AHR: variants seen among roughly 807,000 people sequenced by gnomAD.
AHR encodes aryl hydrocarbon receptor, also known as AH-receptor.
In AHR, 40 loss-of-function variants were observed where a neutral mutation model predicts 86.8. The observed-to-expected ratio is 0.46, with a 90% CI of 0.36 to 0.60. AHR has a LOEUF of 0.60. Ranked by LOEUF, AHR falls within the 20% of genes least tolerant of loss-of-function variation. The probability of loss-of-function intolerance (pLI) is 0.00; values close to 1 mark genes in which losing one functional copy is unlikely to be tolerated. For synonymous variants in AHR, 398 were observed against 354.9 expected (o/e 1.12, Z -1.37); for missense variants, 1,001 against 1,011.6 (o/e 0.99, Z 0.14).
In AHR at chr7:17,310,109, A is replaced by G. The variant is rs377294595; in HGVS notation, c.239A>G (p.Lys80Arg). 2 of 1,613,582 alleles carry G rather than the reference A, an allele frequency of 1.2e-6. No homozygotes were observed. The highest frequency in any genetic ancestry group is 1.3e-5 in the African/African-American group (1 of 74,916). ...LRLSVSYLRA[K>R]SFFDVALKSS... Reference sequence around the variant, plus strand: ...CTCAGCGTCAGTTACCTGAGAGCCAAGAGCTTCTTTGATGGTAAGACAGAA... The same window carrying G: ...CTCAGCGTCAGTTACCTGAGAGCCAGGAGCTTCTTTGATGGTAAGACAGAA... Residue 80 changes from lysine (K) to arginine (R), a missense_variant, in exon 2 of 11, where the codon AAG (lysine) becomes AGG (arginine). Transcript: ENST00000242057.
At chr7:17,326,381 A>G (rs543864443) in intron 3 of AHR, among the ~76,000 whole-genome samples, 35 of 152,302 alleles carry the variant, frequency 2.3e-4, no homozygotes, top group African/African-American at 6.7e-4. Flanking sequence ...CGACTGGACT[A>G]TATGTGAGCA....
chr7:17,310,131 A>G lies in AHR; in HGVS notation c.253+8A>G. ...CCAAGAGCTTCTTTGATGGTAAGACAGAAGGGTTTAATTTGTCTACAATAA... is the reference window on the plus strand; with the variant it reads ...CCAAGAGCTTCTTTGATGGTAAGACGGAAGGGTTTAATTTGTCTACAATAA... On this transcript the variant is annotated splice_region_variant and intron_variant, in intron 2 of 10. Transcript: ENST00000242057. The G allele has an allele frequency of 6.2e-7, 1 of 1,610,470 alleles. No individual in the cohort carries two copies. The highest frequency in any genetic ancestry group is 1.3e-5 in the African/African-American group (1 of 74,922).
chr7:17,312,464 A>C (rs1038409825), intron 2 of AHR, among the ~76,000 whole-genome samples: 1 of 152,222 alleles, frequency 6.6e-6, no homozygotes, highest in African/African-American at 2.4e-5. Context: ...ATATATAAAC[A>C]GATATATTTC....
At chr7:17,317,957 A>G (rs1346837440) in intron 2 of AHR, among the ~76,000 whole-genome samples, 1 of 151,894 alleles carries the variant, frequency 6.6e-6, no homozygotes, top group Non-Finnish European at 1.5e-5. Context: ...CTGAGTGCGT[A>G]CCAATGAGTA....
chr7:17,336,037 A>T (rs1021420784), intron 9 of AHR: 5 of 334,456 alleles, frequency 1.5e-5, no homozygotes, highest in African/African-American at 1.1e-4. Flanking sequence ...TATGAAAGAC[A>T]CATGAAAAGC....
In AHR at chr7:17,342,990, A is replaced by G; in HGVS notation, c.2473A>G (p.Thr825Ala). The G allele has an allele frequency of 6.2e-7, 1 of 1,613,662 alleles. No individual in the cohort carries two copies. Among genetic ancestry groups the G allele is most frequent in the Non-Finnish European group, 8.5e-7 (1 of 1,179,598 alleles). The change falls in exon 11 of 11, where the codon ACA (threonine) becomes GCA (alanine). Residue 825 changes from threonine to alanine, a missense_variant. Thr to Ala is a moderately conservative substitution (Grantham distance 58). Around this residue, in one of 2 missense-constraint regions of AHR, gnomAD observed 607 missense variants for 543.1 expected, o/e 1.12. Transcript: ENST00000242057. ...TAACATAAATAACACTCAGACTACC[A>G]CACATCTTCAGCCACTTCATCATCC... ...LNNINNTQTT[T>A]HLQPLHHPSE... is the part of the protein sequence containing the mutation.
chr7:17,329,915 G>C, intron 4 of AHR, 37 bp from the exon 5 acceptor site: 1 of 1,571,712 alleles, frequency 6.4e-7, no homozygotes, highest in Non-Finnish European at 8.6e-7. Context: ...TTTTTAATCA[G>C]TCCTTTTGTT....
Position 17,322,506 on chromosome 7 carries a change from T to C in AHR, c.259T>C (p.Leu87=). Residue 87 remains leucine, a synonymous_variant, in exon 3 of 11, where the codon TTA becomes CTA. Coordinates refer to ENST00000242057, the MANE Select transcript of AHR (RefSeq NM_001621.5). The part of the protein sequence containing the change: ...LRAKSFFDVA[L]KSSPTERNGG... ...TTTTTCCTTTTTTTCCATAGTTGCATTAAAATCCTCCCCTACTGAAAGAAA... is the reference window on the plus strand; with the variant it reads ...TTTTTCCTTTTTTTCCATAGTTGCACTAAAATCCTCCCCTACTGAAAGAAA... 6.2e-7 allele frequency: 1 copy of C among 1,607,082 alleles called. No homozygotes were observed. The highest frequency in any genetic ancestry group is 8.5e-7 in the Non-Finnish European group (1 of 1,174,364).
chr7:17,334,146 G>T lies in AHR; in HGVS notation c.908+32G>T, dbSNP rs376892230. The T allele has an allele frequency of 4.5e-6, 7 of 1,554,134 alleles. No individual in the cohort carries two copies. In the African/African-American group the frequency reaches 8.1e-5, roughly 18 times the overall value. On this transcript the variant is annotated intron_variant, in intron 7 of 10. Transcript: ENST00000242057. ...GAGACTTTTTCACTTTTATTTTATTGGATGTACATTATGTTTCAGTAAGTC... is the reference window on the plus strand; with the variant it reads ...GAGACTTTTTCACTTTTATTTTATTTGATGTACATTATGTTTCAGTAAGTC...
chr7:17,324,098 G>A (rs1782203242), intron 3 of AHR, among the ~76,000 whole-genome samples: 1 of 151,998 alleles, frequency 6.6e-6, no homozygotes, highest in Non-Finnish European at 1.5e-5. Flanking sequence ...TAATATGAAT[G>A]CAAAGCTGTA....
At position 17,340,005 on chromosome 7, in the gene AHR, C is replaced by T; in HGVS notation, c.2180C>T (p.Ser727Phe). The part of the protein sequence containing the change: ...LDYPMGSFEP[S>F]PYPTTSSLED... ...TACCCTATGGGGAGTTTTGAACCAT[C>T]CCCATACCCCACTACTTCTAGTTTA... Residue 727 changes from serine (S) to phenylalanine (F), a missense_variant, in exon 10 of 11, where the codon TCC becomes TTC. By Grantham distance (155) the Ser-to-Phe change is radical (BLOSUM62 -2). Coordinates refer to ENST00000242057, the MANE Select transcript of AHR (RefSeq NM_001621.5). The T allele has an allele frequency of 1.2e-6, 2 of 1,614,184 alleles. No individual in the cohort carries two copies. The highest frequency in any genetic ancestry group is 1.7e-6 in the Non-Finnish European group (2 of 1,180,028).
chr7:17,316,035 G>A (rs1319052629), intron 2 of AHR, among the ~76,000 whole-genome samples: 1 of 152,138 alleles, frequency 6.6e-6, no homozygotes, highest in Admixed American at 6.6e-5. Context: ...GATGAGCAGG[G>A]GTAGTAAAAA....
chr7:17,304,341 G>T (rs1371684021), intron 1 of AHR, among the ~76,000 whole-genome samples: 1 of 151,918 alleles, frequency 6.6e-6, no homozygotes, highest in East Asian at 1.9e-4. Context: ...TATTATTTTT[G>T]ACTGTATATT....
intron 3 of AHR, among the ~76,000 whole-genome samples, chr7:17,326,856 T>C (rs1007223881): frequency 2.0e-5 from 3 of 152,072 alleles, no homozygotes; most frequent in Non-Finnish European, 2.9e-5. Context: ...TGTGATCACA[T>C]AGTAAAGAAT....
intron 1 of AHR, among the ~76,000 whole-genome samples, chr7:17,305,425 G>A (rs1164378525): frequency 6.6e-6 from 1 of 152,268 alleles, no homozygotes; most frequent in South Asian, 2.1e-4. Context: ...AGGTAGTATG[G>A]TAGGGGGATT....
chr7:17,340,742 C>T (rs1170707393), intron 10 of AHR, among the ~76,000 whole-genome samples: 1 of 151,832 alleles, frequency 6.6e-6, no homozygotes, highest in East Asian at 1.9e-4. Context: ...TAATTATATC[C>T]CTGGAATTCA....
At chr7:17,318,071 A>C (rs1782134000) in intron 2 of AHR, among the ~76,000 whole-genome samples, 1 of 152,124 alleles carries the variant, frequency 6.6e-6, no homozygotes, top group African/African-American at 2.4e-5. Flanking sequence ...GGGGATGGTA[A>C]ATATTATGAA....
intron 4 of AHR, among the ~76,000 whole-genome samples, chr7:17,328,845 A>AG (rs1229603657): frequency 9.9e-5 from 15 of 151,998 alleles, no homozygotes; most frequent in African/African-American, 3.6e-4. Context: ...CTAGAAGATT[A>AG]GGTTCCTAGG....
Position 17,342,937 on chromosome 7 carries a change from T to C in AHR, c.2420T>C (p.Leu807Ser). ...AFLNKFQNGV[L>S]NETYPAELNN... The stretch of plus-strand genomic sequence containing the variant: ...TGTTTTCAGTTTCAGAATGGAGTTT[T>C]AAATGAAACATATCCAGCTGAATTA... The change falls in exon 11 of 11, where the codon TTA becomes TCA. Residue 807 changes from leucine to serine, a missense_variant. Leu to Ser is a moderately radical substitution (Grantham distance 145). Transcript: ENST00000242057. 6.2e-7 allele frequency: 1 copy of C among 1,612,460 alleles called. No homozygotes were observed. The highest frequency in any genetic ancestry group is 8.5e-7 in the Non-Finnish European group (1 of 1,179,302).
Sources: allele counts gnomAD v4.1 joint callset (sites outside exome capture counted in the v4.1 genomes callset), GRCh38; gene constraint gnomAD v4.1.1; regional missense constraint gnomAD v4.1.1; transcripts MANE v1.5; gene names NCBI Gene and HGNC (gene_info 2026-07-23, HGNC 2026-07-21).